The following THOC5 variants were observed in gnomAD, a reference collection of about 807,000 sequenced individuals.
The protein encoded by THOC5 is THO complex subunit 5.
In THOC5, 43 loss-of-function variants were observed where a neutral mutation model predicts 92.9. That is an observed-to-expected ratio of 0.46 (90% CI 0.36 to 0.60). The LOEUF (loss-of-function observed/expected upper bound fraction) is 0.60, where lower values mean the gene tolerates loss of function less well. Ranked by LOEUF, THOC5 falls within the 20% of genes least tolerant of loss-of-function variation. The pLI is 0.00. For missense variants in THOC5, 659 were observed against 849.4 expected, an observed-to-expected ratio of 0.78 and a Z score of 2.79; for synonymous variants, 296 against 320.1, an observed-to-expected ratio of 0.92 and a Z score of 0.80.
chr22:29,550,994 CA>C (rs1482555386), intron 1 of THOC5, among the ~76,000 whole-genome samples: 8 of 152,072 alleles, frequency 5.3e-5, no homozygotes, highest in African/African-American at 1.9e-4. Context: ...CCTTAAACAA[CA>C]AAATCTAGCC....
chr22:29,528,194 G>C lies in THOC5; in HGVS notation c.967-17C>G. Reference sequence around the variant, plus strand: ...CCGGCGCTTCTGGACAAAGGAAAGTGCCAAGCTGATGAGCATCAGTCATAG... The same window carrying C: ...CCGGCGCTTCTGGACAAAGGAAAGTCCCAAGCTGATGAGCATCAGTCATAG... On this transcript the variant is annotated splice_polypyrimidine_tract_variant and intron_variant, in intron 10 of 19. Transcript: ENST00000490103. 6.2e-7 allele frequency: 1 copy of C among 1,614,104 alleles called. No individual in the cohort carries two copies. Among genetic ancestry groups the C allele is most frequent in the Non-Finnish European group, 8.5e-7 (1 of 1,179,998 alleles).
chr22:29,522,857 C>T (rs1202978166), intron 12 of THOC5, among the ~76,000 whole-genome samples: 3 of 151,908 alleles, frequency 2.0e-5, no homozygotes, highest in African/African-American at 7.3e-5. Context: ...AAAAATTAGC[C>T]CAGCATGGTG....
In THOC5 at chr22:29,541,893, A is replaced by AAT. The variant is rs55924406; in HGVS notation, c.452+964_452+965dup. Among the ~76,000 whole-genome samples, 429 of 73,998 alleles carry AAT rather than the reference A, an allele frequency of 5.8e-3. 7 individuals carry two copies. The highest frequency in any genetic ancestry group is 9.0e-3 in the African/African-American group (130 of 14,388). The allele number at this position is 73,998 out of a possible 152,430, so 48.5% of individuals were successfully genotyped here. A position where few individuals can be genotyped will look rare whatever the true frequency, so the allele number is the denominator to read the frequency against. ...AAAAAAAAAAAAAAAAAAAAAAAAA[A>AAT]ATATATATATATATATATATATATA... On this transcript the variant is annotated intron_variant, in intron 5 of 19. Coordinates refer to ENST00000490103, the MANE Select transcript of THOC5 (RefSeq NM_003678.5).
chr22:29,529,552 C>T (rs536616465), intron 8 of THOC5, among the ~76,000 whole-genome samples: 1 of 152,340 alleles, frequency 6.6e-6, no homozygotes, highest in African/African-American at 2.4e-5. Flanking sequence ...GGCCTAAAGC[C>T]ACATGGAACT....
chr22:29,517,085 G>A lies in THOC5; in HGVS notation c.1625C>T (p.Ala542Val), dbSNP rs369317265. ...ELHFTKDIVD[A>V]GLAGDTNLYY... Reference sequence around the variant, plus strand: ...GAGATTGGTGTCCCCAGCCAGTCCCGCATCCACAATGTCTTTGGTGAAGTG... The same window carrying A: ...GAGATTGGTGTCCCCAGCCAGTCCCACATCCACAATGTCTTTGGTGAAGTG... The change falls in exon 17 of 20, where the codon GCG (alanine) becomes GTG (valine). Residue 542 changes from alanine to valine, a missense_variant. Ala to Val is a moderately conservative substitution (Grantham distance 64). Transcript: ENST00000490103. The A allele has an allele frequency of 1.5e-5, 24 of 1,613,986 alleles. No individual in the cohort carries two copies. In the South Asian group the frequency reaches 1.6e-4, roughly 11 times the overall value.
At chr22:29,524,153 C>T (rs1335829992) in intron 12 of THOC5, among the ~76,000 whole-genome samples, 2 of 152,184 alleles carry the variant, frequency 1.3e-5, no homozygotes, top group African/African-American at 2.4e-5. Context: ...GGGTCAGGGC[C>T]CACCTGGCTA....
intron 17 of THOC5, among the ~76,000 whole-genome samples, chr22:29,514,657 G>C (rs1401237997): frequency 6.6e-6 from 1 of 151,124 alleles, no homozygotes; most frequent in Non-Finnish European, 1.5e-5. Context: ...CCACTTATTC[G>C]TCTAAATTTT....
chr22:29,513,984 CTT>C (rs1159297139), intron 17 of THOC5: 1 of 146,808 alleles, frequency 6.8e-6, no homozygotes. Flanking sequence ...GAGTCTCGCT[CTT>C]GTTACCAAGG....
At chr22:29,524,851 C>T (rs1274640384) in intron 12 of THOC5, among the ~76,000 whole-genome samples, 1 of 152,200 alleles carries the variant, frequency 6.6e-6, no homozygotes, top group African/African-American at 2.4e-5. Flanking sequence ...AGCTGTACCT[C>T]CCTAAGCCTC....
At chr22:29,531,070 T>G in intron 8 of THOC5, 1 of 1,113,240 alleles carries the variant, frequency 9.0e-7, no homozygotes, top group Non-Finnish European at 1.1e-6. Context: ...GAAAAGAAAA[T>G]TACTCACCCT....
intron 12 of THOC5, 75 bp downstream of exon 12, chr22:29,525,763 C>T (rs1031385899): frequency 1.2e-5 from 15 of 1,233,404 alleles, no homozygotes; most frequent in South Asian, 5.1e-5. Flanking sequence ...AGGGAGGAAC[C>T]GAGAGCAGCC....
At position 29,519,011 on chromosome 22, in the gene THOC5, G is replaced by T; in HGVS notation, c.1484C>A (p.Ser495Tyr). The T allele has an allele frequency of 6.3e-7, 1 of 1,598,948 alleles. No individual in the cohort carries two copies. The highest frequency in any genetic ancestry group is 8.5e-7 in the Non-Finnish European group (1 of 1,171,154). ...CTGCCCCATCATCAGCTTACCTAGG[G>T]ATGCAAACTGTTTGTGGAGGGCCAG... ...SRLALHKQFA[S>Y]LEHGIVPVTS... The change falls in exon 15 of 20, where the codon TCC (serine) becomes TAC (tyrosine). Residue 495 changes from serine (S) to tyrosine (Y), a missense_variant. By Grantham distance (144) the Ser-to-Tyr change is moderately radical (BLOSUM62 -2). Transcript: ENST00000490103.
chr22:29,526,023 A>ACC, intron 11 of THOC5, 77 bp from the exon 12 acceptor site: 1 of 489,288 alleles, frequency 2.0e-6, no homozygotes, highest in Non-Finnish European at 3.9e-6. Flanking sequence ...GGGGGTAGTA[A>ACC]GGTGGGGGGG....
chr22:29,535,010 T>C (rs2063730743), intron 7 of THOC5: 1 of 143,980 alleles, frequency 6.9e-6, no homozygotes, highest in Non-Finnish European at 1.5e-5. Context: ...GGCTCATGCC[T>C]ATAATCCCAG....
At chr22:29,546,333 AC>A (rs1171180108) in intron 2 of THOC5, among the ~76,000 whole-genome samples, 7 of 152,148 alleles carry the variant, frequency 4.6e-5, no homozygotes, top group Non-Finnish European at 8.8e-5. Context: ...TTAATCCCCC[AC>A]GGGGATTAAC....
Position 29,539,194 on chromosome 22 carries a change from G to T in THOC5, c.599+136C>A. ...AGGTTGGTGAAGTTTAAACTATCCA[G>T]TGTGATTTAATCATAAAATGGGATT... On this transcript the variant is annotated intron_variant, in intron 6 of 19. Coordinates refer to ENST00000490103, the MANE Select transcript of THOC5 (RefSeq NM_003678.5). The T allele has an allele frequency of 4.6e-6, 4 of 873,838 alleles. No homozygotes were observed. The South Asian group carries it at 5.2e-5, about 11-fold the overall frequency. The allele number at this position is 873,838 out of a possible 1,614,324, so 54.1% of individuals were successfully genotyped here.
intron 6 of THOC5, 128 bp downstream of exon 6, chr22:29,539,202 T>A (rs968513832): frequency 1.0e-6 from 1 of 988,090 alleles, no homozygotes; most frequent in African/African-American, 1.6e-5. Flanking sequence ...CAGTGTGATT[T>A]AATCATAAAA....
chr22:29,512,220 G>T, intron 17 of THOC5, 84 bp from the exon 18 acceptor site: 1 of 1,024,804 alleles, frequency 9.8e-7, no homozygotes, highest in Non-Finnish European at 1.5e-6. Context: ...CACCCCTGAG[G>T]CTAGCTCAGA....
At chr22:29,513,776 T>A (rs759449211) in intron 17 of THOC5, 1 of 152,152 alleles carries the variant, frequency 6.6e-6, no homozygotes, top group Non-Finnish European at 1.5e-5. Flanking sequence ...GGCAGAAGGA[T>A]GGTTTGAAGC....
Sources: allele counts gnomAD v4.1 joint callset (sites outside exome capture counted in the v4.1 genomes callset), GRCh38; gene constraint gnomAD v4.1.1; transcripts MANE v1.5; gene names NCBI Gene and HGNC (gene_info 2026-07-23, HGNC 2026-07-21).